NEK1: variants seen among roughly 807,000 people sequenced by gnomAD.
The protein encoded by NEK1 is serine/threonine-protein kinase Nek1.
In NEK1, 137 loss-of-function variants were observed where a neutral mutation model predicts 182.1. The observed-to-expected ratio is 0.75, with a 90% CI of 0.65 to 0.87. The LOEUF (loss-of-function observed/expected upper bound fraction) is 0.87. Ranked by LOEUF, NEK1 falls within the 40% of genes least tolerant of loss-of-function variation. The probability of loss-of-function intolerance (pLI) is 0.00; values close to 1 mark genes in which losing one functional copy is unlikely to be tolerated. For missense variants in NEK1, 1,391 were observed against 1,494.4 expected (o/e 0.93, Z 1.14); for synonymous variants, 513 against 492.2 (o/e 1.04, Z -0.56).
chr4:169,599,651 A>C (rs890004283), intron 4 of NEK1, among the ~76,000 whole-genome samples: 2 of 151,140 alleles, frequency 1.3e-5, no homozygotes, highest in African/African-American at 4.9e-5. Flanking sequence ...AAATAAATAA[A>C]ATAATAAGTG....
chr4:169,551,378 C>A (rs1408471994), intron 18 of NEK1, among the ~76,000 whole-genome samples: 1 of 151,842 alleles, frequency 6.6e-6, no homozygotes, highest in African/African-American at 2.4e-5. Flanking sequence ...ATTGCCCTTA[C>A]AAGATTATAT....
chr4:169,607,541 C>G (rs1418939161), intron 2 of NEK1, among the ~76,000 whole-genome samples: 1 of 152,056 alleles, frequency 6.6e-6, no homozygotes, highest in Non-Finnish European at 1.5e-5. Context: ...TGGCTCACTG[C>G]AAGCTCCACC....
intron 33 of NEK1, 23 bp downstream of exon 33, chr4:169,401,629 G>A (rs965582211): frequency 6.3e-7 from 1 of 1,596,590 alleles, no homozygotes; most frequent in African/African-American, 1.3e-5. Context: ...AAAAGAAAAA[G>A]GTCCAAAACT....
At position 169,405,033 on chromosome 4, in the gene NEK1, T is replaced by C. The variant is rs74673036; in HGVS notation, c.3374+1563A>G. On this transcript the variant is annotated intron_variant, in intron 32 of 35. Transcript: ENST00000507142. ...CTGCTAACTCCCCATTGGCATGGCT[T>C]TGAAATCATATATGGCAAGAGGTAG... 1.1e-3 allele frequency among the ~76,000 whole-genome samples: 173 copies of C among 152,310 alleles called. 4 individuals are homozygous for C. The East Asian group carries it at 0.026, about 23-fold the overall frequency.
chr4:169,561,729 A>G lies in NEK1; in HGVS notation c.1149T>C (p.Ser383=). The change falls in exon 15 of 36, where the codon AGT becomes AGC. Residue 383 remains serine, a synonymous_variant. Coordinates refer to ENST00000507142, the MANE Select transcript of NEK1 (RefSeq NM_001199397.3). ...KEKKQKDQII[S]LMKAEQMKRQ... ...TTTTCATTTGTTCAGCCTTCATTAA[A>G]CTAATAATCTGTAACAATTTTAAAG... The G allele has an allele frequency of 6.3e-7, 1 of 1,577,260 alleles. No individual in the cohort carries two copies.
intron 31 of NEK1, among the ~76,000 whole-genome samples, chr4:169,414,328 T>G (rs1734159600): frequency 6.6e-6 from 1 of 152,166 alleles, no homozygotes; most frequent in African/African-American, 2.4e-5. Context: ...TGGTCTTAAA[T>G]TTGGTACTTC....
intron 23 of NEK1, among the ~76,000 whole-genome samples, chr4:169,495,055 A>T (rs1042050009): frequency 1.3e-4 from 20 of 152,088 alleles, no homozygotes; most frequent in African/African-American, 4.8e-4. Flanking sequence ...GTTCACTCTG[A>T]TGGTAGTTTC....
At chr4:169,507,182 G>GC in intron 22 of NEK1, 50 bp from the exon 23 acceptor site, 1 of 853,056 alleles carries the variant, frequency 1.2e-6, no homozygotes, top group East Asian at 3.2e-5. Flanking sequence ...GAAGGGCAGA[G>GC]GTTTTTTTTT....
chr4:169,603,274 C>T (rs1281870969), intron 2 of NEK1, among the ~76,000 whole-genome samples: 1 of 152,142 alleles, frequency 6.6e-6, no homozygotes, highest in African/African-American at 2.4e-5. Flanking sequence ...CCCTCATTAA[C>T]ACTGGTTATT....
chr4:169,509,719 T>A (rs184642038), intron 19 of NEK1, among the ~76,000 whole-genome samples: 1 of 152,112 alleles, frequency 6.6e-6, no homozygotes, highest in South Asian at 2.1e-4. Context: ...AATTTATATA[T>A]GCATTTTTTT....
chr4:169,469,563 T>C (rs1170238708), intron 26 of NEK1, among the ~76,000 whole-genome samples: 1 of 152,216 alleles, frequency 6.6e-6, no homozygotes, highest in African/African-American at 2.4e-5. Flanking sequence ...TTAGAATAAG[T>C]GCTATGTGGT....
intron 19 of NEK1, among the ~76,000 whole-genome samples, chr4:169,533,532 A>G (rs1371850944): frequency 2.0e-5 from 3 of 152,230 alleles, no homozygotes; most frequent in Admixed American, 2.0e-4. Flanking sequence ...CTTTACAACA[A>G]TTATATACTA....
intron 5 of NEK1, among the ~76,000 whole-genome samples, chr4:169,598,447 G>A (rs1237035811): frequency 6.6e-6 from 1 of 150,926 alleles, no homozygotes; most frequent in Non-Finnish European, 1.5e-5. Flanking sequence ...CTTGAACTGA[G>A]CTTAAAAAAA....
At chr4:169,441,214 G>C (rs146921576) in intron 27 of NEK1, among the ~76,000 whole-genome samples, 60 of 152,288 alleles carry the variant, frequency 3.9e-4, no homozygotes, top group African/African-American at 1.3e-3. Flanking sequence ...GGTACTGACA[G>C]CAACCCTGCC....
At chr4:169,532,500 C>G (rs749104377) in intron 19 of NEK1, among the ~76,000 whole-genome samples, 1 of 152,032 alleles carries the variant, frequency 6.6e-6, no homozygotes, top group African/African-American at 2.4e-5. Context: ...AATGTAGGTT[C>G]GTCAATTGTA....
intron 12 of NEK1, 78 bp downstream of exon 12, chr4:169,576,850 A>G: frequency 7.7e-7 from 1 of 1,294,876 alleles, no homozygotes; most frequent in Non-Finnish European, 1.1e-6. Context: ...TATAATATCA[A>G]GGTAACTGAA....
At chr4:169,548,342 C>T (rs898331015) in intron 18 of NEK1, among the ~76,000 whole-genome samples, 13 of 152,342 alleles carry the variant, frequency 8.5e-5, no homozygotes, top group African/African-American at 1.7e-4. Flanking sequence ...CTGGAAGCTT[C>T]GTCCCAAAGG....
intron 18 of NEK1, chr4:169,554,795 T>TA (rs1432372081): frequency 6.6e-6 from 1 of 152,186 alleles, no homozygotes; most frequent in Non-Finnish European, 1.5e-5. Flanking sequence ...GAGTAAACTC[T>TA]AATGTAAACT....
chr4:169,587,350 T>C (rs375412229), intron 9 of NEK1, among the ~76,000 whole-genome samples: 1 of 151,828 alleles, frequency 6.6e-6, no homozygotes, highest in Non-Finnish European at 1.5e-5. Context: ...AAATATGAAA[T>C]ATTATAAAAT....
Sources: gnomAD v4.1 joint callset for allele counts (sites outside exome capture counted in the v4.1 genomes callset) on GRCh38, gnomAD v4.1.1 for gene constraint, MANE v1.5 for transcripts, NCBI Gene and HGNC (gene_info 2026-07-23, HGNC 2026-07-21) for gene names.